TMEM108: variants seen among roughly 807,000 people sequenced by gnomAD.
The protein encoded by TMEM108 is cancer/testis antigen 124.
TMEM108 carries 12 observed loss-of-function variants against 35.1 expected under a neutral mutation model. The ratio of observed to expected loss-of-function variants is 0.34; its 90% CI spans 0.22 to 0.55. TMEM108 has a LOEUF of 0.55. TMEM108 is among the 20% of genes least tolerant of loss of function. The pLI, the probability that TMEM108 is intolerant of heterozygous loss-of-function variation, is 0.89. For missense variants in TMEM108, 680 were observed against 753.3 expected (o/e 0.90, Z 1.14); for synonymous variants, 287 against 308.6 (o/e 0.93, Z 0.73).
intron 4 of TMEM108, chr3:133,387,384 T>C (rs1193547243): frequency 9.6e-5 from 95 of 985,326 alleles, no homozygotes; most frequent in Admixed American, 5.5e-4. Flanking sequence ...TGAGAAGCAC[T>C]GGAAACTCCC....
intron 2 of TMEM108, among the ~76,000 whole-genome samples, chr3:133,116,411 CA>C (rs371145868): frequency 0.022 from 3,382 of 151,682 alleles, 120 homozygotes; most frequent in African/African-American, 0.077. Flanking sequence ...TATTTTGGTG[CA>C]AAAAAAATTT....
intron 3 of TMEM108, among the ~76,000 whole-genome samples, chr3:133,238,428 C>T (rs910817749): frequency 1.1e-4 from 16 of 152,270 alleles, no homozygotes; most frequent in Admixed American, 4.6e-4. Flanking sequence ...AAAGACAAAA[C>T]GTTTCTTAAA....
At chr3:133,112,038 C>A (rs1169093794) in intron 2 of TMEM108, among the ~76,000 whole-genome samples, 3 of 152,098 alleles carry the variant, frequency 2.0e-5, no homozygotes, top group Non-Finnish European at 4.4e-5. Flanking sequence ...TATGCTTTAT[C>A]CACATTAAGA....
chr3:133,379,929 C>G lies in TMEM108; in HGVS notation c.218C>G (p.Pro73Arg), dbSNP rs758631335. 6.2e-7 allele frequency: 1 copy of G among 1,613,742 alleles called. No individual in the cohort carries two copies. Among genetic ancestry groups the G allele is most frequent in the Non-Finnish European group, 8.5e-7 (1 of 1,179,856 alleles). The stretch of plus-strand genomic sequence containing the variant: ...ATGCTGACCCCCAATCCCGATGGAC[C>G]CCCCTCACAGGCTGCAGCTCCCATG... The part of the protein sequence containing the change: ...VVMLTPNPDG[P>R]PSQAAAPMAT... Residue 73 changes from proline to arginine, a missense_variant, in exon 4 of 6, where the codon CCC becomes CGC. Around this residue, in one of 3 missense-constraint regions of TMEM108, gnomAD observed 526 missense variants for 532.1 expected, o/e 0.99. Transcript: ENST00000321871.
chr3:133,217,168 CTGT>C (rs1945921353), intron 2 of TMEM108, among the ~76,000 whole-genome samples: 1 of 151,980 alleles, frequency 6.6e-6, no homozygotes, highest in African/African-American at 2.4e-5. Context: ...TTGTATCTCT[CTGT>C]TGTTAGTGTA....
chr3:133,323,900 C>G (rs1261282518), intron 3 of TMEM108, among the ~76,000 whole-genome samples: 1 of 152,008 alleles, frequency 6.6e-6, no homozygotes, highest in African/African-American at 2.4e-5. Context: ...ATCTTCAACA[C>G]AGCAAACAAA....
chr3:133,265,662 T>G (rs1186698171), intron 3 of TMEM108, among the ~76,000 whole-genome samples: 3 of 152,204 alleles, frequency 2.0e-5, no homozygotes, highest in Non-Finnish European at 2.9e-5. Flanking sequence ...TGTCTGCTGT[T>G]GGGCTTTTGC....
intron 3 of TMEM108, among the ~76,000 whole-genome samples, chr3:133,318,479 A>G (rs957993118): frequency 6.6e-6 from 1 of 152,234 alleles, no homozygotes; most frequent in Admixed American, 6.5e-5. Flanking sequence ...GCTGAAATTC[A>G]TATAGCTAGT....
chr3:133,274,052 A>G (rs1160250164), intron 3 of TMEM108, among the ~76,000 whole-genome samples: 3 of 152,206 alleles, frequency 2.0e-5, no homozygotes, highest in Non-Finnish European at 4.4e-5. Flanking sequence ...ACCCAGTCCT[A>G]TGTGACTCCT....
intron 3 of TMEM108, among the ~76,000 whole-genome samples, chr3:133,302,332 A>G (rs1271679234): frequency 6.6e-6 from 1 of 151,822 alleles, no homozygotes; most frequent in Non-Finnish European, 1.5e-5. Flanking sequence ...GGGAATTTAC[A>G]CCATTGGTGA....
chr3:133,099,719 A>G (rs1014360803), intron 2 of TMEM108, among the ~76,000 whole-genome samples: 1 of 152,178 alleles, frequency 6.6e-6, no homozygotes, highest in African/African-American at 2.4e-5. Flanking sequence ...CTTTGCTAAA[A>G]CATAATAAGA....
At chr3:133,236,057 G>A (rs1946231576) in intron 3 of TMEM108, among the ~76,000 whole-genome samples, 1 of 152,048 alleles carries the variant, frequency 6.6e-6, no homozygotes, top group Non-Finnish European at 1.5e-5. Context: ...ATTATTTTAT[G>A]AGAATATGAT....
intron 2 of TMEM108, among the ~76,000 whole-genome samples, chr3:133,180,587 C>T (rs1298323263): frequency 6.6e-6 from 1 of 152,072 alleles, no homozygotes; most frequent in Non-Finnish European, 1.5e-5. Context: ...TTTCCCCAAA[C>T]TAATTCCTAA....
At chr3:133,239,208 A>T (rs1946279292) in intron 3 of TMEM108, among the ~76,000 whole-genome samples, 1 of 152,170 alleles carries the variant, frequency 6.6e-6, no homozygotes, top group African/African-American at 2.4e-5. Flanking sequence ...GGAAATAAAC[A>T]GCATTTAGTG....
chr3:133,393,703 G>C (rs1484554055), intron 5 of TMEM108, among the ~76,000 whole-genome samples: 1 of 152,208 alleles, frequency 6.6e-6, no homozygotes, highest in Non-Finnish European at 1.5e-5. Context: ...TGACAAAGGG[G>C]CTGGTCCTAC....
intron 3 of TMEM108, among the ~76,000 whole-genome samples, chr3:133,293,765 G>A (rs1287028639): frequency 6.6e-6 from 1 of 151,944 alleles, no homozygotes; most frequent in African/African-American, 2.4e-5. Flanking sequence ...TGTGTGTGAG[G>A]GTTTTTTTTT....
Position 133,051,419 on chromosome 3 carries a change from G to C in TMEM108, c.-47+5399G>C, listed in dbSNP as rs375449662. 1.8e-3 allele frequency among the ~76,000 whole-genome samples: 270 copies of C among 152,130 alleles called. 1 individual carries two copies. The highest frequency in any genetic ancestry group is 5.9e-3 in the African/African-American group (247 of 41,552). The stretch of plus-strand genomic sequence containing the variant: ...TATAGATTTTGGATAATGGTCCTTT[G>C]TCAAATATGTCTTTTGAAAATATTT... On this transcript the variant is annotated intron_variant, in intron 2 of 5. Coordinates refer to ENST00000321871, the MANE Select transcript of TMEM108 (RefSeq NM_023943.4).
At chr3:133,095,798 C>G (rs1301772169) in intron 2 of TMEM108, among the ~76,000 whole-genome samples, 2 of 152,162 alleles carry the variant, frequency 1.3e-5, no homozygotes, top group Admixed American at 6.5e-5. Context: ...TGAAGTTTTG[C>G]TTGTTCGCTC....
At chr3:133,222,242 C>T (rs1041875351) in intron 2 of TMEM108, among the ~76,000 whole-genome samples, 1 of 152,120 alleles carries the variant, frequency 6.6e-6, no homozygotes, top group Non-Finnish European at 1.5e-5. Context: ...TATCATCCCA[C>T]TCTCTCTTCA....
Sources: gnomAD v4.1 joint callset for allele counts (sites outside exome capture counted in the v4.1 genomes callset) on GRCh38, gnomAD v4.1.1 for gene constraint, gnomAD v4.1.1 regional missense constraint, MANE v1.5 for transcripts, NCBI Gene and HGNC (gene_info 2026-07-23, HGNC 2026-07-21) for gene names.